LDLRAD4: variants seen among roughly 807,000 people sequenced by gnomAD.
The protein encoded by LDLRAD4 is low density lipoprotein receptor class A domain containing 4, also known as low-density lipoprotein receptor class A domain-containing protein 4.
A neutral mutation model predicts 17.0 loss-of-function variants in LDLRAD4; 5 were observed. The observed-to-expected ratio is 0.29, with a 90% CI of 0.15 to 0.62. The LOEUF (loss-of-function observed/expected upper bound fraction) is 0.62, where lower values mean the gene tolerates loss of function less well. Among genes scored for constraint, LDLRAD4 ranks in the 20% least tolerant of loss-of-function variants. The pLI, the probability that LDLRAD4 is intolerant of heterozygous loss-of-function variation, is 0.84. For missense variants in LDLRAD4, 340 were observed against 424.7 expected (o/e 0.80, Z 1.75); for synonymous variants, 168 against 171.8 (o/e 0.98, Z 0.17).
At chr18:13,298,446 C>T (rs1286237780) in intron 1 of LDLRAD4, among the ~76,000 whole-genome samples, 18 of 135,040 alleles carry the variant, frequency 1.3e-4, no homozygotes, top group South Asian at 4.9e-4. Flanking sequence ...GCTCCGGGCA[C>T]GGCAATTTTG....
chr18:13,310,668 T>C (rs1359696271), intron 1 of LDLRAD4, among the ~76,000 whole-genome samples: 1 of 152,086 alleles, frequency 6.6e-6, no homozygotes, highest in Non-Finnish European at 1.5e-5. Context: ...CCCAGGAACC[T>C]GAGGGTTCTG....
At chr18:13,278,373 A>T (rs1255026431) in intron 1 of LDLRAD4, 185 bp downstream of exon 2, 6 of 152,260 alleles carry the variant, frequency 3.9e-5, no homozygotes, top group Non-Finnish European at 1.5e-5. Context: ...ATCTATTCAC[A>T]GTAGAAGCTT....
At chr18:13,403,289 G>T (rs2145556878) in intron 2 of LDLRAD4, among the ~76,000 whole-genome samples, 1 of 152,306 alleles carries the variant, frequency 6.6e-6, no homozygotes, top group East Asian at 1.9e-4. Context: ...TATCAAAAAT[G>T]AGTTAATAAT....
intron 3 of LDLRAD4, among the ~76,000 whole-genome samples, chr18:13,603,233 A>G (rs2095184645): frequency 6.6e-6 from 1 of 152,192 alleles, no homozygotes; most frequent in Non-Finnish European, 1.5e-5. Context: ...TTCTAGGACC[A>G]TCTTCCCTGA....
At chr18:13,421,424 G>A (rs972033330) in intron 2 of LDLRAD4, among the ~76,000 whole-genome samples, 2 of 152,110 alleles carry the variant, frequency 1.3e-5, no homozygotes, top group Admixed American at 1.3e-4. Flanking sequence ...ATGCAGGGTG[G>A]CCTCCCAGCC....
intron 3 of LDLRAD4, among the ~76,000 whole-genome samples, chr18:13,545,567 C>T (rs1300934952): frequency 1.3e-5 from 2 of 152,126 alleles, no homozygotes; most frequent in East Asian, 3.9e-4. Flanking sequence ...GAGTCCTGTG[C>T]TGAGGCCAGC....
chr18:13,324,177 G>A (rs111823846), intron 1 of LDLRAD4, among the ~76,000 whole-genome samples: 10,098 of 149,360 alleles, frequency 0.068, 372 homozygotes, highest in South Asian at 0.1. Context: ...TCGCTCTGTC[G>A]CCCAGGCTGA....
intron 3 of LDLRAD4, chr18:13,521,333 A>T (rs911547725): frequency 2.6e-5 from 4 of 152,230 alleles, no homozygotes; most frequent in Non-Finnish European, 5.9e-5. Flanking sequence ...GCATATTTAC[A>T]TGATTAGACT....
At chr18:13,550,971 T>A (rs1340557925) in intron 3 of LDLRAD4, among the ~76,000 whole-genome samples, 2 of 152,180 alleles carry the variant, frequency 1.3e-5, no homozygotes, top group Admixed American at 6.5e-5. Context: ...GCCCCCTCTG[T>A]GCTCATTCTC....
chr18:13,438,184 A>T, intron 2 of LDLRAD4, 60 bp from the exon 4 acceptor site: 1 of 1,534,716 alleles, frequency 6.5e-7, no homozygotes, highest in South Asian at 1.1e-5. Context: ...AACGACAGTC[A>T]CAGCTCAAGA....
At chr18:13,413,712 GTAGTGATTTGCATTCT>G (rs904078901) in intron 2 of LDLRAD4, among the ~76,000 whole-genome samples, 2 of 152,164 alleles carry the variant, frequency 1.3e-5, no homozygotes, top group Non-Finnish European at 2.9e-5. Context: ...CGATTGCTGT[GTAGTGATTTGCATTCT>G]TTAGTAAGTT....
chr18:13,572,748 G>A (rs189666385), intron 3 of LDLRAD4, among the ~76,000 whole-genome samples: 15 of 152,332 alleles, frequency 9.8e-5, no homozygotes, highest in Non-Finnish European at 1.8e-4. Context: ...TGTTTTGGAG[G>A]TAGCTTGTTG....
chr18:13,448,679 A>G (rs1368474250), intron 3 of LDLRAD4, among the ~76,000 whole-genome samples: 8 of 150,720 alleles, frequency 5.3e-5, no homozygotes, highest in South Asian at 2.2e-4. Flanking sequence ...ATAAGGCGGG[A>G]GGTGACGCAG....
intron 2 of LDLRAD4, among the ~76,000 whole-genome samples, chr18:13,434,068 C>G (rs532014116): frequency 6.6e-6 from 1 of 152,286 alleles, no homozygotes; most frequent in South Asian, 2.1e-4. Context: ...CTAGGTCCCT[C>G]TCAGCATTAA....
At chr18:13,572,938 G>A (rs1032836164) in intron 3 of LDLRAD4, among the ~76,000 whole-genome samples, 1 of 152,204 alleles carries the variant, frequency 6.6e-6, no homozygotes. Context: ...CGCCAGTGAG[G>A]CCAGGATGTG....
At chr18:13,605,540 C>T (rs2095214210) in intron 3 of LDLRAD4, among the ~76,000 whole-genome samples, 1 of 152,142 alleles carries the variant, frequency 6.6e-6, no homozygotes, top group Non-Finnish European at 1.5e-5. Flanking sequence ...TAACATAAGC[C>T]AGCTAGCTTT....
chr18:13,321,426 T>C (rs1349055125), intron 1 of LDLRAD4, among the ~76,000 whole-genome samples: 1 of 152,238 alleles, frequency 6.6e-6, no homozygotes, highest in Non-Finnish European at 1.5e-5. Context: ...GACTCATTCA[T>C]CTCCCTCAAA....
upstream of LDLRAD4, among the ~76,000 whole-genome samples, chr18:13,274,128 C>G (rs1159113635): frequency 1.3e-5 from 2 of 152,314 alleles, no homozygotes; most frequent in East Asian, 3.9e-4. Context: ...ATGAACCTTT[C>G]TTCTGAAGGC....
At chr18:13,334,470 A>G (rs1309014743) in intron 1 of LDLRAD4, among the ~76,000 whole-genome samples, 1 of 152,108 alleles carries the variant, frequency 6.6e-6, no homozygotes, top group Non-Finnish European at 1.5e-5. Flanking sequence ...ATCTGACCTC[A>G]TGATCTGCCT....
Sources: allele counts gnomAD v4.1 joint callset (sites outside exome capture counted in the v4.1 genomes callset), GRCh38; gene constraint gnomAD v4.1.1; transcripts MANE v1.5; gene names NCBI Gene and HGNC (gene_info 2026-07-23, HGNC 2026-07-21).